Variants in RNF149 observed in about 807,000 individuals in gnomAD.
RNF149 encodes ring finger protein 149, also known as E3 ubiquitin-protein ligase RNF149.
RNF149 carries 21 observed loss-of-function variants against 39.0 expected under a neutral mutation model. The observed-to-expected ratio is 0.54, with a 90% CI of 0.38 to 0.77. The LOEUF is 0.77. Among genes scored for constraint, RNF149 ranks in the 30% least tolerant of loss-of-function variants. The pLI, the probability that RNF149 is intolerant of heterozygous loss-of-function variation, is 0.00. For missense variants in RNF149, 493 were observed against 534.9 expected (o/e 0.92, Z 0.77); for synonymous variants, 209 against 213.6 (o/e 0.98, Z 0.19).
Position 101,294,081 on chromosome 2 carries a change from C to T in RNF149, c.713G>A (p.Ser238Asn), listed in dbSNP as rs1683126014. 4 of 1,530,784 alleles carry T rather than the reference C, an allele frequency of 2.6e-6. No homozygotes were observed. Among genetic ancestry groups the T allele is most frequent in the Non-Finnish European group, 2.7e-6 (3 of 1,107,630 alleles). The allele number at this position is 1,530,784 out of a possible 1,614,324, so 94.8% of individuals were successfully genotyped here. Residue 238 changes from serine to asparagine, a missense_variant and splice_region_variant, in exon 3 of 7, where the codon AGC (serine) becomes AAC (asparagine). Ser to Asn is a conservative substitution (Grantham distance 46). Coordinates refer to ENST00000295317, the MANE Select transcript of RNF149 (RefSeq NM_173647.4). ...LYTGSQIGSQ[S>N]HRKETKKVIG... The stretch of plus-strand genomic sequence containing the variant: ...AACTTTCTTAGTTTCTTTTCTATGG[C>T]TCTTGGGTAGGAAAATATTAATACA...
intron 1 of RNF149, chr2:101,307,727 A>C (rs1683725999): frequency 1.4e-6 from 1 of 692,862 alleles, no homozygotes; most frequent in Non-Finnish European, 1.8e-6. Context: ...GTGAAGGGAC[A>C]ACCGATCGTG....
rs751628113 is a variant in RNF149 at position 101,308,583 on chromosome 2, C to A, written c.6G>T (p.Ala2=). 1.3e-6 allele frequency: 2 copies of A among 1,551,118 alleles called. No individual in the cohort carries two copies. Among genetic ancestry groups the A allele is most frequent in the East Asian group, 2.3e-5 (1 of 42,704 alleles). The stretch of plus-strand genomic sequence containing the variant: ...CGACGCTGGCTTCGCGCCGCCGCCA[C>A]GCCATGGCAGCACCGCTGAGCTGAC... M[A]WRRREASVGA... The change falls in exon 1 of 7, where the codon GCG becomes GCT. Residue 2 remains alanine (A), a synonymous_variant. Coordinates refer to ENST00000295317, the MANE Select transcript of RNF149 (RefSeq NM_173647.4).
intron 3 of RNF149, among the ~76,000 whole-genome samples, chr2:101,292,971 T>A (rs939177121): frequency 1.6e-5 from 2 of 127,920 alleles, no homozygotes; most frequent in African/African-American, 2.6e-5. Flanking sequence ...TGAGATGTGA[T>A]CTTTTTTTTT....
chr2:101,281,878 T>C lies in RNF149; in HGVS notation c.1140A>G (p.Gly380=), dbSNP rs149837150. 5 of 1,614,080 alleles carry C rather than the reference T, an allele frequency of 3.1e-6. No homozygotes were observed. The highest frequency in any genetic ancestry group is 4.2e-6 in the Non-Finnish European group (5 of 1,180,020). Residue 380 remains glycine (G), a synonymous_variant, in exon 6 of 7, where the codon GGA becomes GGG. Coordinates refer to ENST00000295317, the MANE Select transcript of RNF149 (RefSeq NM_173647.4). Reference sequence around the variant, plus strand: ...GCTCACCTAGCAATGCCGTATTTTCTCCTGCATCTCCTTTAAAGCTGGGAT... The same window carrying C: ...GCTCACCTAGCAATGCCGTATTTTCCCCTGCATCTCCTTTAAAGCTGGGAT... ...QCDPSFKGDA[G]ENTALLEAGR...
chr2:101,303,422 C>T (rs973704092), intron 1 of RNF149, among the ~76,000 whole-genome samples: 23 of 151,958 alleles, frequency 1.5e-4, no homozygotes, highest in African/African-American at 5.1e-4. Context: ...CTACTGCGCC[C>T]GACCCCAAAA....
chr2:101,300,912 C>G (rs956794213), intron 1 of RNF149, among the ~76,000 whole-genome samples: 1 of 152,184 alleles, frequency 6.6e-6, no homozygotes, highest in Non-Finnish European at 1.5e-5. Context: ...GCGGGCCCTA[C>G]TCTTGCCTCC....
chr2:101,290,039 G>A (rs1682947948), intron 3 of RNF149, among the ~76,000 whole-genome samples: 1 of 152,086 alleles, frequency 6.6e-6, no homozygotes, highest in Admixed American at 6.6e-5. Context: ...AATTAGCTGG[G>A]TGTGGTGGTG....
chr2:101,294,691 G>A, intron 2 of RNF149: 1 of 454,924 alleles, frequency 2.2e-6, no homozygotes, highest in Non-Finnish European at 3.9e-6. Context: ...GGGACTAAGA[G>A]GGTTCCTGCA....
rs553132507 is a variant in RNF149 at position 101,305,135 on chromosome 2, C to T, written c.460+2994G>A. On this transcript the variant is annotated intron_variant, in intron 1 of 6. Transcript: ENST00000295317. The stretch of plus-strand genomic sequence containing the variant: ...GATTACAGGCATGAGCCAACGCACT[C>T]GGCCTAGTATTCAATTTTACAGGCA... 3.4e-4 allele frequency among the ~76,000 whole-genome samples: 52 copies of T among 152,202 alleles called. No individual in the cohort carries two copies. The South Asian group carries it at 9.8e-3, about 29-fold the overall frequency.
chr2:101,295,880 T>TGGTA (rs1683213165), intron 1 of RNF149, among the ~76,000 whole-genome samples: 1 of 151,986 alleles, frequency 6.6e-6, no homozygotes, highest in Admixed American at 6.6e-5. Context: ...AAGCCAGGTA[T>TGGTA]GGTAGTTCAC....
At chr2:101,296,793 C>T (rs540712142) in intron 1 of RNF149, among the ~76,000 whole-genome samples, 1 of 152,160 alleles carries the variant, frequency 6.6e-6, no homozygotes, top group Admixed American at 6.5e-5. Flanking sequence ...TCAAAAAATA[C>T]ATATTGACGA....
At chr2:101,278,500 G>A (rs1275976345) in intron 6 of RNF149, among the ~76,000 whole-genome samples, 2 of 151,692 alleles carry the variant, frequency 1.3e-5, no homozygotes, top group African/African-American at 4.9e-5. Context: ...GCTTCCTCTT[G>A]TTTTATAAAT....
chr2:101,295,181 C>T lies in RNF149; in HGVS notation c.461G>A (p.Gly154Glu), dbSNP rs150097352. The change falls in exon 2 of 7, where the codon GGA becomes GAA. Residue 154 changes from glycine (G) to glutamate (E), a missense_variant and splice_region_variant. Transcript: ENST00000295317. Reference sequence around the variant, plus strand: ...CATAATGACCACTATATTTCCTGTTCCTGTAGGAAAGAACAAAGAAATCAA... The same window carrying T: ...CATAATGACCACTATATTTCCTGTTTCTGTAGGAAAGAACAAAGAAATCAA... ...GNITLPMSHA[G>E]TGNIVVIMIS... is the part of the protein sequence containing the mutation. 7 of 1,611,082 alleles carry T rather than the reference C, an allele frequency of 4.3e-6. No individual in the cohort carries two copies. The African/African-American group carries it at 9.4e-5, about 22-fold the overall frequency.
downstream of RNF149, chr2:101,272,906 C>G (rs1470849465): frequency 7.5e-7 from 1 of 1,328,648 alleles, no homozygotes; most frequent in Admixed American, 1.9e-5. Context: ...TTCTTGACAG[C>G]TCCCATGGCA....
At chr2:101,305,103 T>C (rs917852346) in intron 1 of RNF149, among the ~76,000 whole-genome samples, 16 of 152,092 alleles carry the variant, frequency 1.1e-4, no homozygotes, top group African/African-American at 3.9e-4. Flanking sequence ...CCTCCTGATG[T>C]GCTGGGGATT....
At chr2:101,280,450 AC>A (rs1682537160) in intron 6 of RNF149, among the ~76,000 whole-genome samples, 1 of 152,152 alleles carries the variant, frequency 6.6e-6, no homozygotes, top group Non-Finnish European at 1.5e-5. Context: ...TTTAAATCTT[AC>A]ATTAAGATTT....
At chr2:101,292,362 T>A (rs1307162692) in intron 3 of RNF149, among the ~76,000 whole-genome samples, 1 of 152,198 alleles carries the variant, frequency 6.6e-6, no homozygotes, top group African/African-American at 2.4e-5. Flanking sequence ...CCTGGAAGCA[T>A]ATTTTCAAAA....
Position 101,308,233 on chromosome 2 carries a change from G to A in RNF149, c.356C>T (p.Thr119Ile), listed in dbSNP as rs771856832. Reference protein sequence around the residue: ...WVALVARGGCTFKDKVLVAAR... With the variant: ...WVALVARGGCIFKDKVLVAAR... Reference sequence around the variant, plus strand: ...CGCCACCAGCACCTTGTCCTTGAAGGTGCAGCCCCCACGAGCCACCAGGGC... The same window carrying A: ...CGCCACCAGCACCTTGTCCTTGAAGATGCAGCCCCCACGAGCCACCAGGGC... Residue 119 changes from threonine (T) to isoleucine (I), a missense_variant, in exon 1 of 7, where the codon ACC becomes ATC. By Grantham distance (89) the Thr-to-Ile change is moderately conservative. Coordinates refer to ENST00000295317, the MANE Select transcript of RNF149 (RefSeq NM_173647.4). The A allele has an allele frequency of 6.2e-7, 1 of 1,602,754 alleles. No homozygotes were observed. Among genetic ancestry groups the A allele is most frequent in the South Asian group, 1.1e-5 (1 of 90,000 alleles).
At position 101,308,608 on chromosome 2, in the gene RNF149, C is replaced by T; in HGVS notation, c.-20G>A. The stretch of plus-strand genomic sequence containing the variant: ...CGCCATGGCAGCACCGCTGAGCTGA[C>T]TAGGGGGAGTCAGGGTCACGCGCGA... On this transcript the variant is annotated 5_prime_UTR_variant, in exon 1 of 7. Coordinates refer to ENST00000295317, the MANE Select transcript of RNF149 (RefSeq NM_173647.4). 3 of 1,505,642 alleles carry T rather than the reference C, an allele frequency of 2.0e-6. No individual in the cohort carries two copies. The highest frequency in any genetic ancestry group is 1.3e-5 in the South Asian group (1 of 77,386). The allele number at this position is 1,505,642 out of a possible 1,614,324, so 93.3% of individuals were successfully genotyped here. A position where few individuals can be genotyped will look rare whatever the true frequency, so the allele number is the denominator to read the frequency against.
Sources: gnomAD v4.1 joint callset for allele counts (sites outside exome capture counted in the v4.1 genomes callset) on GRCh38, gnomAD v4.1.1 for gene constraint, MANE v1.5 for transcripts, NCBI Gene and HGNC (gene_info 2026-07-23, HGNC 2026-07-21) for gene names.